Variants in UBE2N observed in about 807,000 individuals in gnomAD.
The protein encoded by UBE2N is ubiquitin-conjugating enzyme E2 N.
For missense variants in UBE2N, 60 were observed against 192.1 expected (o/e 0.31, Z 4.07); for synonymous variants, 70 against 69.2 (o/e 1.01, Z -0.06).
chr12:93,416,411 GAAGTA>G (rs1878209575), intron 1 of UBE2N, among the ~76,000 whole-genome samples: 2 of 151,450 alleles, frequency 1.3e-5, no homozygotes, highest in African/African-American at 4.8e-5. Context: ...TTTAAGTGAA[GAAGTA>G]AAGGGCTAAA....
chr12:93,417,085 T>C (rs1468203475), intron 1 of UBE2N, among the ~76,000 whole-genome samples: 1 of 152,186 alleles, frequency 6.6e-6, no homozygotes, highest in Non-Finnish European at 1.5e-5. Context: ...GGAAGTTAGT[T>C]ACTAAAATAG....
At chr12:93,420,628 C>T (rs1453387952) in intron 1 of UBE2N, among the ~76,000 whole-genome samples, 2 of 152,140 alleles carry the variant, frequency 1.3e-5, no homozygotes, top group African/African-American at 4.8e-5. Flanking sequence ...GGTGAACGAA[C>T]ATCTGCAATG....
chr12:93,410,950 A>T (rs144840616), intron 2 of UBE2N, 76 bp from the exon 3 acceptor site: 3 of 1,613,540 alleles, frequency 1.9e-6, no homozygotes, highest in Non-Finnish European at 2.5e-6. Context: ...CCTCCCACAG[A>T]CCTCTCTGAT....
intron 1 of UBE2N, among the ~76,000 whole-genome samples, chr12:93,415,360 T>C (rs1878173338): frequency 1.3e-5 from 2 of 152,212 alleles, no homozygotes; most frequent in South Asian, 4.1e-4. Flanking sequence ...TTCCCCAAAA[T>C]GTGTTAATTA....
intron 1 of UBE2N, among the ~76,000 whole-genome samples, chr12:93,427,154 A>T (rs971314188): frequency 2.0e-5 from 3 of 152,142 alleles, no homozygotes; most frequent in African/African-American, 7.2e-5. Flanking sequence ...TCCTGACCTC[A>T]AGGGATTGGC....
rs938815903 is a variant in UBE2N at position 93,406,049 on chromosome 12, CGAG to C, written c.*3987_*3989del. The C allele has an allele frequency of 6.6e-6, 1 of 151,910 alleles. No individual in the cohort carries two copies. Among genetic ancestry groups the C allele is most frequent in the African/African-American group, 2.4e-5 (1 of 41,346 alleles). 9.4% of individuals were successfully genotyped at this position (151,910 alleles called of 1,614,324 possible). Reference sequence around the variant, plus strand: ...TTGGGAGGCCGAGGCGGGCAGATCACGAGGTCAGGAGATGGAGACCATCCTGGC... The same window carrying C: ...TTGGGAGGCCGAGGCGGGCAGATCACGTCAGGAGATGGAGACCATCCTGGC... On this transcript the variant is annotated 3_prime_UTR_variant, in exon 4 of 4. Coordinates refer to ENST00000318066, the MANE Select transcript of UBE2N (RefSeq NM_003348.4).
intron 1 of UBE2N, among the ~76,000 whole-genome samples, chr12:93,412,284 G>A (rs746811508): frequency 2.0e-5 from 3 of 152,086 alleles, no homozygotes; most frequent in Non-Finnish European, 2.9e-5. Context: ...ACTTGTGGCT[G>A]ATGTCCTGCT....
Position 93,409,937 on chromosome 12 carries a change from T to C in UBE2N, c.*102A>G. On this transcript the variant is annotated 3_prime_UTR_variant, in exon 4 of 4. Transcript: ENST00000318066. The stretch of plus-strand genomic sequence containing the variant: ...AGGACTGAAGATGTCTGGGCTTTTT[T>C]ATTCTGTAATGTTTCTAAGACTGTG... 1.6e-6 allele frequency: 2 copies of C among 1,220,470 alleles called. No individual in the cohort carries two copies. The highest frequency in any genetic ancestry group is 2.6e-4 in the Middle Eastern group (1 of 3,828). 75.6% of individuals were successfully genotyped at this position (1,220,470 alleles called of 1,614,324 possible). A position where few individuals can be genotyped will look rare whatever the true frequency, so the allele number is the denominator to read the frequency against.
chr12:93,412,021 C>T (rs959201207), intron 1 of UBE2N, among the ~76,000 whole-genome samples: 1 of 152,060 alleles, frequency 6.6e-6, no homozygotes, highest in Non-Finnish European at 1.5e-5. Context: ...CACTGAAAAC[C>T]TCCCCTCTGA....
intron 1 of UBE2N, among the ~76,000 whole-genome samples, chr12:93,440,154 C>T (rs1879058183): frequency 6.6e-6 from 1 of 152,166 alleles, no homozygotes; most frequent in African/African-American, 2.4e-5. Context: ...GCATTATGTA[C>T]TTAGTCAATA....
intron 1 of UBE2N, chr12:93,424,379 A>C (rs1260560638): frequency 6.6e-6 from 1 of 152,240 alleles, no homozygotes; most frequent in Non-Finnish European, 1.5e-5. Context: ...AGATGGAAGC[A>C]GAGCAGTTGA....
At chr12:93,426,868 A>G (rs1336947874) in intron 1 of UBE2N, among the ~76,000 whole-genome samples, 1 of 151,064 alleles carries the variant, frequency 6.6e-6, no homozygotes, top group Non-Finnish European at 1.5e-5. Context: ...GTGCATCAGC[A>G]GATTTTTTTT....
intron 1 of UBE2N, among the ~76,000 whole-genome samples, chr12:93,428,699 A>T (rs1039711673): frequency 1.3e-5 from 2 of 152,226 alleles, no homozygotes; most frequent in Admixed American, 1.3e-4. Flanking sequence ...TTAAATTTAC[A>T]AACTTCCCCA....
At chr12:93,432,308 G>T in intron 1 of UBE2N, among the ~76,000 whole-genome samples, 1 of 151,904 alleles carries the variant, frequency 6.6e-6, no homozygotes, top group Non-Finnish European at 1.5e-5. Context: ...TTCAATGAAT[G>T]TCCAATTAAT....
intron 1 of UBE2N, among the ~76,000 whole-genome samples, chr12:93,436,900 C>T (rs1410009292): frequency 2.0e-5 from 3 of 152,144 alleles, no homozygotes; most frequent in Non-Finnish European, 2.9e-5. Flanking sequence ...TACAAAACTT[C>T]GTTACAGCAT....
intron 1 of UBE2N, among the ~76,000 whole-genome samples, chr12:93,436,901 G>A (rs540531190): frequency 2.6e-5 from 4 of 152,072 alleles, no homozygotes; most frequent in South Asian, 2.1e-4. Context: ...ACAAAACTTC[G>A]TTACAGCATT....
intron 1 of UBE2N, among the ~76,000 whole-genome samples, chr12:93,417,446 T>C (rs1313921539): frequency 6.6e-6 from 1 of 152,204 alleles, no homozygotes; most frequent in Admixed American, 6.5e-5. Flanking sequence ...AAGGCAATGA[T>C]TGGAGTATGT....
rs1877866878 is a variant in UBE2N at position 93,407,157 on chromosome 12, G to C, written c.*2882C>G. 6.6e-6 allele frequency: 1 copy of C among 152,416 alleles called. No homozygotes were observed. Among genetic ancestry groups the C allele is most frequent in the African/African-American group, 2.4e-5 (1 of 41,446 alleles). The allele number at this position is 152,416 out of a possible 1,614,324, so 9.4% of individuals were successfully genotyped here. ...GCCACTGTGCCCGGCCTGGGCAGTC[G>C]ATTTTCAGGAAGCCACTTAATGTTC... On this transcript the variant is annotated 3_prime_UTR_variant, in exon 4 of 4. Coordinates refer to ENST00000318066, the MANE Select transcript of UBE2N (RefSeq NM_003348.4).
intron 1 of UBE2N, among the ~76,000 whole-genome samples, chr12:93,441,424 T>C (rs1440992250): frequency 6.6e-6 from 1 of 152,192 alleles, no homozygotes; most frequent in East Asian, 1.9e-4. Context: ...AAGAGGGGCT[T>C]GGCTGCCGAG....
Sources: allele counts gnomAD v4.1 joint callset (sites outside exome capture counted in the v4.1 genomes callset), GRCh38; gene constraint gnomAD v4.1.1; transcripts MANE v1.5; gene names NCBI Gene and HGNC (gene_info 2026-07-23, HGNC 2026-07-21).